Variants in CHST8 observed in about 807,000 individuals in gnomAD.
CHST8 encodes carbohydrate sulfotransferase 8, also known as GALNAC-4-ST1.
A neutral mutation model predicts 15.0 loss-of-function variants in CHST8; 10 were observed. The ratio of observed to expected loss-of-function variants is 0.67; its 90% CI spans 0.41 to 1.13. CHST8 has a LOEUF of 1.13. CHST8 is among the 50% of genes most tolerant of loss of function. The pLI is 0.00. For synonymous variants in CHST8, 259 were observed against 256.6 expected, an observed-to-expected ratio of 1.01 and a Z score of -0.09; for missense variants, 634 against 608.2, an observed-to-expected ratio of 1.04 and a Z score of -0.45.
At chr19:33,681,023 A>G (rs1972880457) in intron 2 of CHST8, among the ~76,000 whole-genome samples, 1 of 152,244 alleles carries the variant, frequency 6.6e-6, no homozygotes, top group East Asian at 1.9e-4. Context: ...TATTAAAACC[A>G]GGATATTGAC....
intron 4 of CHST8, 83 bp from the exon 5 acceptor site, chr19:33,771,874 G>T (rs1974990232): frequency 6.8e-7 from 1 of 1,463,582 alleles, no homozygotes; most frequent in East Asian, 2.3e-5. Flanking sequence ...AGGAACCCCA[G>T]CCGTGGTGAG....
intron 3 of CHST8, among the ~76,000 whole-genome samples, chr19:33,757,412 AAGAAAGAAAGAAAGAAAGAAAG>A (rs1974574209): frequency 5.8e-4 from 4 of 6,868 alleles, no homozygotes; most frequent in Non-Finnish European, 1.0e-3. Context: ...GAAAGAAAGA[AAGAAAGAAAGAAAGAAAGAAAG>A]AAAGAAAGAA....
chr19:33,740,877 G>T (rs1004116761), intron 3 of CHST8, among the ~76,000 whole-genome samples: 2 of 152,166 alleles, frequency 1.3e-5, no homozygotes, highest in African/African-American at 2.4e-5. Context: ...TAAATGGCCA[G>T]AACCTCACGG....
At chr19:33,631,636 C>T (rs1972123355) in intron 1 of CHST8, among the ~76,000 whole-genome samples, 1 of 152,202 alleles carries the variant, frequency 6.6e-6, no homozygotes, top group East Asian at 1.9e-4. Flanking sequence ...GGTTTGGCCT[C>T]ATCTGCAAAT....
intron 1 of CHST8, among the ~76,000 whole-genome samples, chr19:33,647,351 C>T (rs1972367579): frequency 6.6e-6 from 1 of 152,136 alleles, no homozygotes; most frequent in Non-Finnish European, 1.5e-5. Context: ...ATGCATGGTC[C>T]CTTTTGCCCA....
At position 33,772,370 on chromosome 19, in the gene CHST8, C is replaced by T. The variant is rs1975010512; in HGVS notation, c.582C>T (p.Tyr194=). The change falls in exon 5 of 5, where the codon TAC becomes TAT. Residue 194 remains tyrosine (Y), a synonymous_variant. Coordinates refer to ENST00000650847, the MANE Select transcript of CHST8 (RefSeq NM_001127895.2). ...IFVEDRHRVL[Y]CEVPKAGCSN... is the part of the protein sequence containing the mutation. Reference sequence around the variant, plus strand: ...TGGAGGACCGCCACCGCGTGCTCTACTGCGAGGTGCCCAAGGCCGGCTGCT... The same window carrying T: ...TGGAGGACCGCCACCGCGTGCTCTATTGCGAGGTGCCCAAGGCCGGCTGCT... The T allele has an allele frequency of 4.4e-6, 7 of 1,608,622 alleles. No individual in the cohort carries two copies. Among genetic ancestry groups the T allele is most frequent in the Middle Eastern group, 1.7e-4 (1 of 6,058 alleles).
rs966650892 is a variant in CHST8 at position 33,643,579 on chromosome 19, C to T, written c.-164+21283C>T. ...ACCAGCATCATTTATGGAACATTCA[C>T]TCTTTGCTTGCTGATTTTTAAATGC... On this transcript the variant is annotated intron_variant, in intron 1 of 4. Coordinates refer to ENST00000650847, the MANE Select transcript of CHST8 (RefSeq NM_001127895.2). Among the ~76,000 whole-genome samples, 13 of 152,326 alleles carry T rather than the reference C, an allele frequency of 8.5e-5. No individual in the cohort carries two copies. In the East Asian group the frequency reaches 2.5e-3, roughly 29 times the overall value.
chr19:33,695,821 C>CTTTCT (rs57718433), intron 3 of CHST8, among the ~76,000 whole-genome samples: 8 of 76,242 alleles, frequency 1.0e-4, no homozygotes, highest in African/African-American at 1.9e-4. Context: ...TTCTTTCTTT[C>CTTTCT]TTTTTTTTTT....
intron 3 of CHST8, among the ~76,000 whole-genome samples, chr19:33,741,421 C>G (rs1462163511): frequency 6.6e-6 from 1 of 152,230 alleles, no homozygotes; most frequent in Non-Finnish European, 1.5e-5. Flanking sequence ...TGCAAGTCAA[C>G]ATGAACTGTT....
chr19:33,637,512 C>G (rs1489434197), intron 1 of CHST8, among the ~76,000 whole-genome samples: 1 of 151,300 alleles, frequency 6.6e-6, no homozygotes, highest in African/African-American at 2.4e-5. Context: ...ACGCCATTCT[C>G]CTGCCTCAGC....
At chr19:33,734,369 CTT>C (rs1371871815) in intron 3 of CHST8, among the ~76,000 whole-genome samples, 3 of 152,194 alleles carry the variant, frequency 2.0e-5, no homozygotes, top group African/African-American at 4.8e-5. Context: ...AATAGCCATT[CTT>C]CATTCCTTTA....
chr19:33,682,806 G>A (rs1346322388), intron 2 of CHST8, among the ~76,000 whole-genome samples: 1 of 152,190 alleles, frequency 6.6e-6, no homozygotes, highest in East Asian at 1.9e-4. Context: ...TATTTTAAAG[G>A]TTTGGGGATG....
intron 2 of CHST8, among the ~76,000 whole-genome samples, chr19:33,681,837 T>C (rs1349124840): frequency 9.9e-5 from 15 of 151,834 alleles, no homozygotes; most frequent in Admixed American, 3.9e-4. Flanking sequence ...GATGCCTTGT[T>C]CAAGCTGCTT....
intron 1 of CHST8, among the ~76,000 whole-genome samples, chr19:33,635,019 G>A (rs1972174915): frequency 6.6e-6 from 1 of 152,110 alleles, no homozygotes. Context: ...CCATTTGAGA[G>A]CCTCCTTGGG....
intron 3 of CHST8, among the ~76,000 whole-genome samples, chr19:33,724,431 G>C (rs1238837370): frequency 1.3e-5 from 2 of 152,196 alleles, no homozygotes; most frequent in African/African-American, 4.8e-5. Context: ...GCCCCCATCC[G>C]GGCTCAGCCA....
At chr19:33,684,328 G>A (rs1358768031) in intron 2 of CHST8, among the ~76,000 whole-genome samples, 2 of 152,160 alleles carry the variant, frequency 1.3e-5, no homozygotes, top group African/African-American at 2.4e-5. Flanking sequence ...TGCCTTCCCC[G>A]GGAGTAGCGT....
intron 2 of CHST8, among the ~76,000 whole-genome samples, chr19:33,687,365 G>A (rs913605934): frequency 2.6e-5 from 4 of 152,198 alleles, no homozygotes; most frequent in Admixed American, 2.6e-4. Context: ...GGGGACACAT[G>A]AGTGTCCATT....
chr19:33,752,295 A>C (rs1226217554), intron 3 of CHST8, among the ~76,000 whole-genome samples: 5 of 152,218 alleles, frequency 3.3e-5, no homozygotes, highest in African/African-American at 1.2e-4. Context: ...TACTCGACCC[A>C]CGCGTGAGCC....
intron 3 of CHST8, among the ~76,000 whole-genome samples, chr19:33,737,905 C>A (rs1974115891): frequency 6.6e-6 from 1 of 152,114 alleles, no homozygotes; most frequent in Non-Finnish European, 1.5e-5. Context: ...AGAGAATTTT[C>A]TCCTGTCATC....
Sources: gnomAD v4.1 joint callset for allele counts (sites outside exome capture counted in the v4.1 genomes callset) on GRCh38, gnomAD v4.1.1 for gene constraint, MANE v1.5 for transcripts, NCBI Gene and HGNC (gene_info 2026-07-23, HGNC 2026-07-21) for gene names.